The following PDE10A variants were observed in gnomAD, a reference collection of about 807,000 sequenced individuals.
The protein encoded by PDE10A is phosphodiesterase 10A.
In PDE10A, 39 loss-of-function variants were observed where a neutral mutation model predicts 97.7. The observed-to-expected ratio is 0.40, with a 90% CI of 0.31 to 0.52. The LOEUF (loss-of-function observed/expected upper bound fraction) is 0.52, where lower values mean the gene tolerates loss of function less well. Ranked by LOEUF, PDE10A falls within the 20% of genes least tolerant of loss-of-function variation. PDE10A has a pLI of 0.56. For missense variants in PDE10A, 731 were observed against 1,047.8 expected (o/e 0.70, Z 4.17); for synonymous variants, 371 against 376.8 (o/e 0.98, Z 0.18).
chr6:165,461,069 A>C (rs1337454154), intron 3 of PDE10A, among the ~76,000 whole-genome samples: 1 of 144,810 alleles, frequency 6.9e-6, no homozygotes, highest in Non-Finnish European at 1.5e-5. Context: ...GTTACTGAAC[A>C]ATTAGAAAAT....
chr6:165,440,046 C>T (rs182224224), intron 5 of PDE10A, among the ~76,000 whole-genome samples: 236 of 152,180 alleles, frequency 1.6e-3, no homozygotes, highest in Non-Finnish European at 2.5e-3. Flanking sequence ...TTTGGAAACA[C>T]TTCTTAAGAA....
chr6:165,917,660 G>A (rs1458196582), intron 1 of PDE10A, among the ~76,000 whole-genome samples: 1 of 152,236 alleles, frequency 6.6e-6, no homozygotes, highest in Non-Finnish European at 1.5e-5. Flanking sequence ...AAAAAAAAAG[G>A]CAGCCAGGTG....
upstream of PDE10A, among the ~76,000 whole-genome samples, chr6:165,663,632 C>T (rs1324153082): frequency 6.6e-6 from 1 of 152,184 alleles, no homozygotes; most frequent in African/African-American, 2.4e-5. Flanking sequence ...TAAATCAACT[C>T]GCAGTGTTTC....
At position 165,913,191 on chromosome 6, in the gene PDE10A, T is replaced by C. The variant is rs546184279; in HGVS notation, c.-615+74338A>G. ...TCCCCAAGGCATTTCATTATGTATA[T>C]GCAAATATTCTAAAATCTGAAAAAA... On this transcript the variant is annotated intron_variant, in intron 1 of 19. Coordinates refer to the PDE10A transcript ENST00000366882. Among the ~76,000 whole-genome samples the C allele has an allele frequency of 1.2e-4, 18 of 152,228 alleles. No individual in the cohort carries two copies. The South Asian group carries it at 3.3e-3, about 28-fold the overall frequency.
At chr6:165,537,093 C>T (rs548090208) in intron 2 of PDE10A, among the ~76,000 whole-genome samples, 54 of 151,784 alleles carry the variant, frequency 3.6e-4, no homozygotes, top group African/African-American at 1.0e-3. Flanking sequence ...ATATACAAAA[C>T]GAAATATTAT....
chr6:165,589,738 G>A (rs985012149), intron 1 of PDE10A, among the ~76,000 whole-genome samples: 18 of 152,126 alleles, frequency 1.2e-4, no homozygotes, highest in African/African-American at 4.3e-4. Context: ...TGAAAAAAAT[G>A]TCACCGACTG....
chr6:165,665,518 A>C (rs1790476247), upstream of PDE10A, among the ~76,000 whole-genome samples: 1 of 152,208 alleles, frequency 6.6e-6, no homozygotes, highest in African/African-American at 2.4e-5. Context: ...TCCCATAAAG[A>C]CTGCAATATA....
At chr6:165,340,004 T>G (rs904055765) in intron 19 of PDE10A, among the ~76,000 whole-genome samples, 2 of 152,208 alleles carry the variant, frequency 1.3e-5, no homozygotes, top group Non-Finnish European at 2.9e-5. Context: ...TTACTAAAGA[T>G]TCACTTACAG....
intron 1 of PDE10A, among the ~76,000 whole-genome samples, chr6:165,824,166 G>A (rs1236335201): frequency 6.6e-6 from 1 of 152,052 alleles, no homozygotes; most frequent in Non-Finnish European, 1.5e-5. Context: ...AGAGTGCCTG[G>A]CACATAGTAG....
At chr6:165,463,988 T>C (rs1778485207) in intron 3 of PDE10A, among the ~76,000 whole-genome samples, 1 of 152,244 alleles carries the variant, frequency 6.6e-6, no homozygotes, top group Non-Finnish European at 1.5e-5. Context: ...TAATTTAATA[T>C]CTATAGAAAC....
chr6:165,592,810 A>C (rs1786356700), intron 1 of PDE10A, among the ~76,000 whole-genome samples: 1 of 152,238 alleles, frequency 6.6e-6, no homozygotes, highest in Non-Finnish European at 1.5e-5. Context: ...CAGGTGCTGG[A>C]GAGGATATGG....
At position 165,663,041 on chromosome 6, in the gene PDE10A, C is replaced by T. The variant is rs1221365753; in HGVS notation, c.-230G>A. 3.3e-5 allele frequency among the ~76,000 whole-genome samples: 5 copies of T among 151,570 alleles called. No individual in the cohort carries two copies. The highest frequency in any genetic ancestry group is 5.9e-5 in the Non-Finnish European group (4 of 67,808). ...GGGGGCCAGGCCCCGGCGACGGCGC[C>T]TGGCTACCCTCAGGCGCGCACAATC... On this transcript the variant is annotated 5_prime_UTR_variant, in exon 1 of 22. Transcript: ENST00000539869.
At chr6:165,586,947 G>A (rs1413749083) in intron 1 of PDE10A, among the ~76,000 whole-genome samples, 3 of 152,054 alleles carry the variant, frequency 2.0e-5, no homozygotes, top group Non-Finnish European at 4.4e-5. Context: ...TGAGGGTGGA[G>A]AATCAGCATG....
At chr6:165,579,366 A>G (rs1241983587) in intron 1 of PDE10A, among the ~76,000 whole-genome samples, 1 of 152,082 alleles carries the variant, frequency 6.6e-6, no homozygotes, top group African/African-American at 2.4e-5. Flanking sequence ...GCAAAATAAA[A>G]CTCATAATTA....
intron 1 of PDE10A, among the ~76,000 whole-genome samples, chr6:165,897,988 A>G (rs1324572479): frequency 1.3e-5 from 2 of 151,724 alleles, no homozygotes; most frequent in Admixed American, 6.6e-5. Flanking sequence ...TCCTTTGCCG[A>G]CCACTCCCGT....
At chr6:165,622,268 T>TTG (rs1788175415) in intron 1 of PDE10A, among the ~76,000 whole-genome samples, 1 of 145,392 alleles carries the variant, frequency 6.9e-6, no homozygotes, top group Non-Finnish European at 1.5e-5. Context: ...ATATGTGTGT[T>TTG]TGTGAGTGTG....
chr6:165,969,373 C>T (rs1039470641), intron 1 of PDE10A, among the ~76,000 whole-genome samples: 3 of 152,020 alleles, frequency 2.0e-5, no homozygotes, highest in Non-Finnish European at 2.9e-5. Context: ...CTGGGGAGGG[C>T]GTGGCAGCGG....
At chr6:165,971,324 T>C (rs2128501085) in intron 1 of PDE10A, among the ~76,000 whole-genome samples, 2 of 152,278 alleles carry the variant, frequency 1.3e-5, no homozygotes, top group Middle Eastern at 6.8e-3. Flanking sequence ...AGGCCATCCA[T>C]GATTCAATTC....
intron 5 of PDE10A, among the ~76,000 whole-genome samples, chr6:165,435,812 T>C (rs1364285992): frequency 6.6e-6 from 1 of 152,146 alleles, no homozygotes; most frequent in Non-Finnish European, 1.5e-5. Flanking sequence ...ATTTTTCATT[T>C]TCATTAGAAA....
Sources: allele counts gnomAD v4.1 joint callset (sites outside exome capture counted in the v4.1 genomes callset), GRCh38; gene constraint gnomAD v4.1.1; transcripts MANE v1.5; gene names NCBI Gene and HGNC (gene_info 2026-07-23, HGNC 2026-07-21).